LRMDA: variants seen among roughly 807,000 people sequenced by gnomAD.
The protein encoded by LRMDA is leucine rich melanocyte differentiation associated, also known as leucine-rich melanocyte differentiation-associated protein.
In LRMDA, 18 loss-of-function variants were observed where a neutral mutation model predicts 29.8. That is an observed-to-expected ratio of 0.60 (90% CI 0.42 to 0.90). LRMDA has a LOEUF of 0.90. LRMDA is among the 40% of genes least tolerant of loss of function. The pLI is 0.00. For synonymous variants in LRMDA, 125 were observed against 109.4 expected, an observed-to-expected ratio of 1.14 and a Z score of -0.89; for missense variants, 273 against 273.9, an observed-to-expected ratio of 1.00 and a Z score of 0.02.
At chr10:75,823,953 C>T (rs1255053782) in intron 2 of LRMDA, among the ~76,000 whole-genome samples, 1 of 152,064 alleles carries the variant, frequency 6.6e-6, no homozygotes, top group African/African-American at 2.4e-5. Context: ...TACACATCGA[C>T]ATACAGAGTG....
At chr10:76,031,644 G>A (rs1291906876) in intron 2 of LRMDA, among the ~76,000 whole-genome samples, 1 of 152,092 alleles carries the variant, frequency 6.6e-6, no homozygotes, top group Non-Finnish European at 1.5e-5. Flanking sequence ...GCCAGCCCTT[G>A]CAGGTCTGGG....
chr10:75,831,654 T>G (rs775557055), intron 2 of LRMDA, among the ~76,000 whole-genome samples: 1 of 152,152 alleles, frequency 6.6e-6, no homozygotes, highest in East Asian at 1.9e-4. Flanking sequence ...CAATCCCACA[T>G]TTCCTGGCCA....
At chr10:75,654,643 G>A (rs1334671284) in intron 2 of LRMDA, among the ~76,000 whole-genome samples, 1 of 152,174 alleles carries the variant, frequency 6.6e-6, no homozygotes, top group Non-Finnish European at 1.5e-5. Context: ...TTTAGCACAA[G>A]AAGTAAAACC....
chr10:76,197,688 G>A (rs1337836930), intron 5 of LRMDA, among the ~76,000 whole-genome samples: 1 of 152,094 alleles, frequency 6.6e-6, no homozygotes, highest in Admixed American at 6.5e-5. Flanking sequence ...GGAGGCCAAG[G>A]AAGGCGGATC....
chr10:76,474,148 T>C (rs1842644371), intron 6 of LRMDA, among the ~76,000 whole-genome samples: 1 of 151,718 alleles, frequency 6.6e-6, no homozygotes, highest in South Asian at 2.1e-4. Context: ...CTCAGGTAAC[T>C]GGATAGTCAC....
At chr10:76,436,061 A>G (rs999605311) in intron 6 of LRMDA, among the ~76,000 whole-genome samples, 18 of 152,198 alleles carry the variant, frequency 1.2e-4, no homozygotes, top group African/African-American at 3.6e-4. Context: ...AGTTATATGA[A>G]AACATGATAT....
intron 5 of LRMDA, among the ~76,000 whole-genome samples, chr10:76,252,614 T>C (rs1349000774): frequency 6.6e-6 from 1 of 152,248 alleles, no homozygotes; most frequent in Non-Finnish European, 1.5e-5. Context: ...TTAACTGTTA[T>C]AAATTAAATG....
intron 6 of LRMDA, among the ~76,000 whole-genome samples, chr10:76,381,873 A>G (rs1841597043): frequency 6.6e-6 from 1 of 152,186 alleles, no homozygotes; most frequent in Non-Finnish European, 1.5e-5. Flanking sequence ...CTTCCCTTGT[A>G]TCCACCCAGA....
At chr10:76,453,406 G>A (rs1417808638) in intron 6 of LRMDA, among the ~76,000 whole-genome samples, 1 of 152,190 alleles carries the variant, frequency 6.6e-6, no homozygotes, top group Non-Finnish European at 1.5e-5. Flanking sequence ...CACCTCTACT[G>A]TGGGTTATAT....
At chr10:75,614,735 T>A (rs555386361) in intron 2 of LRMDA, among the ~76,000 whole-genome samples, 68 of 152,248 alleles carry the variant, frequency 4.5e-4, no homozygotes, top group African/African-American at 1.6e-3. Flanking sequence ...TTACTCATGA[T>A]GCACTGTTTA....
intron 2 of LRMDA, among the ~76,000 whole-genome samples, chr10:75,744,266 A>T (rs1008473561): frequency 6.6e-6 from 1 of 152,210 alleles, no homozygotes. Context: ...TTTGAGTTAC[A>T]TTAGGGCCTT....
At chr10:76,195,247 G>A (rs1851312402) in intron 5 of LRMDA, among the ~76,000 whole-genome samples, 1 of 152,178 alleles carries the variant, frequency 6.6e-6, no homozygotes, top group Non-Finnish European at 1.5e-5. Flanking sequence ...ACAACTTCCG[G>A]TTCTGGTGGG....
In LRMDA at chr10:75,490,318, A is replaced by G. The variant is rs79437136; in HGVS notation, c.131+51824A>G. On this transcript the variant is annotated intron_variant, in intron 2 of 6. Coordinates refer to ENST00000611255, the MANE Select transcript of LRMDA (RefSeq NM_001305581.2). ...ATTTTGGCCAAGAATATGTATGTGC[A>G]TATATGACATGTACACATACACACA... Among the ~76,000 whole-genome samples the G allele has an allele frequency of 4.9e-3, 711 of 144,280 alleles. 9 individuals are homozygous for G. The highest frequency in any genetic ancestry group is 0.017 in the African/African-American group (676 of 38,680). 94.7% of individuals were successfully genotyped at this position (144,280 alleles called of 152,430 possible).
rs189352416 is a variant in LRMDA, at chr10:75,549,123, T to A, written c.131+110629T>A. ...AAAAGCATAATGCTTTTGAGATTCA[T>A]CCATGTGGTTGCATGTATTACTAGC... is the stretch of plus-strand genomic sequence containing the variant. On this transcript the variant is annotated intron_variant, in intron 2 of 6. Coordinates refer to ENST00000611255, the MANE Select transcript of LRMDA (RefSeq NM_001305581.2). Among the ~76,000 whole-genome samples, 64 of 152,288 alleles carry A rather than the reference T, an allele frequency of 4.2e-4. No homozygotes were observed. The Middle Eastern group carries it at 0.017, about 40-fold the overall frequency.
chr10:75,819,982 A>G (rs1001328267), intron 2 of LRMDA, among the ~76,000 whole-genome samples: 8 of 152,346 alleles, frequency 5.3e-5, no homozygotes, highest in African/African-American at 1.9e-4. Flanking sequence ...TTCTAAATAT[A>G]CATGCACCAA....
At position 76,176,158 on chromosome 10, in the gene LRMDA, T is replaced by C. The variant is rs191701303; in HGVS notation, c.516+117375T>C. On this transcript the variant is annotated intron_variant, in intron 5 of 6. Coordinates refer to ENST00000611255, the MANE Select transcript of LRMDA (RefSeq NM_001305581.2). ...ATAGATATGTCATATCACTGAAAAA[T>C]TGTTTGTCTTCCACAGGTGTATGGG... is the stretch of plus-strand genomic sequence containing the variant. Among the ~76,000 whole-genome samples the C allele has an allele frequency of 3.6e-3, 541 of 152,172 alleles. 13 individuals carry two copies. Among genetic ancestry groups the C allele is most frequent in the Admixed American group, 0.029 (437 of 15,284 alleles).
At chr10:76,119,634 T>G (rs753992454) in intron 5 of LRMDA, among the ~76,000 whole-genome samples, 2 of 152,134 alleles carry the variant, frequency 1.3e-5, no homozygotes, top group Non-Finnish European at 2.9e-5. Context: ...CCTCCTTCCA[T>G]CAGAGGACAG....
At chr10:76,053,138 T>C (rs2132048020) in intron 4 of LRMDA, among the ~76,000 whole-genome samples, 1 of 152,280 alleles carries the variant, frequency 6.6e-6, no homozygotes. Context: ...CCAGAATTAC[T>C]TACCTGCAAA....
intron 5 of LRMDA, among the ~76,000 whole-genome samples, chr10:76,185,912 G>T (rs1851140433): frequency 6.6e-6 from 1 of 152,084 alleles, no homozygotes; most frequent in Non-Finnish European, 1.5e-5. Context: ...ATATAACTTT[G>T]TATTAAAGTG....
Sources: gnomAD v4.1 joint callset for allele counts (sites outside exome capture counted in the v4.1 genomes callset) on GRCh38, gnomAD v4.1.1 for gene constraint, MANE v1.5 for transcripts, NCBI Gene and HGNC (gene_info 2026-07-23, HGNC 2026-07-21) for gene names.